SGMS1: variants seen among roughly 807,000 people sequenced by gnomAD.
SGMS1 encodes phosphatidylcholine:ceramide cholinephosphotransferase 1.
Under a neutral mutation model 46.2 loss-of-function variants are expected in SGMS1, and 13 were observed. The ratio of observed to expected loss-of-function variants is 0.28; its 90% CI spans 0.18 to 0.45. SGMS1 has a LOEUF of 0.45. Among genes scored for constraint, SGMS1 ranks in the 20% least tolerant of loss-of-function variants. SGMS1 has a pLI of 1.00. For synonymous variants in SGMS1, 203 were observed against 187.8 expected, an observed-to-expected ratio of 1.08 and a Z score of -0.66; for missense variants, 324 against 519.9, an observed-to-expected ratio of 0.62 and a Z score of 3.66.
chr10:50,504,751 T>C lies in SGMS1; in HGVS notation c.-498+15080A>G, dbSNP rs138905661. Among the ~76,000 whole-genome samples, 140 of 152,242 alleles carry C rather than the reference T, an allele frequency of 9.2e-4. 1 individual carries two copies. The Middle Eastern group carries it at 0.031, about 33-fold the overall frequency. ...GACTTATTTCTAAAAGTCAAAAAGG[T>C]TTAGAAAAACATTTCTGAGTTATTA... On this transcript the variant is annotated intron_variant, in intron 3 of 10. Transcript: ENST00000361781.
intron 6 of SGMS1, among the ~76,000 whole-genome samples, chr10:50,372,881 G>A (rs549883261): frequency 6.6e-6 from 1 of 151,954 alleles, no homozygotes; most frequent in Non-Finnish European, 1.5e-5. Context: ...GTCCAGAGAG[G>A]TTCCTAATTT....
At chr10:50,572,658 T>C (rs1383378262) in intron 2 of SGMS1, among the ~76,000 whole-genome samples, 5 of 152,216 alleles carry the variant, frequency 3.3e-5, no homozygotes, top group Non-Finnish European at 5.9e-5. Flanking sequence ...TATGACTCTA[T>C]GCCTTTGCCA....
chr10:50,379,011 A>C (rs1057130070), intron 6 of SGMS1, among the ~76,000 whole-genome samples: 4 of 152,204 alleles, frequency 2.6e-5, no homozygotes, highest in African/African-American at 7.2e-5. Context: ...ATATGGAATA[A>C]AATATGCCAA....
At chr10:50,318,967 C>T (rs2688881) in intron 8 of SGMS1, among the ~76,000 whole-genome samples, 39 of 152,108 alleles carry the variant, frequency 2.6e-4, no homozygotes, top group African/African-American at 8.2e-4. Context: ...AGTCTCTAAC[C>T]GGAAGACTTA....
chr10:50,511,581 T>C (rs1372452953), intron 3 of SGMS1, among the ~76,000 whole-genome samples: 1 of 152,184 alleles, frequency 6.6e-6, no homozygotes, highest in Non-Finnish European at 1.5e-5. Context: ...TTGGCAATTA[T>C]CCATGTGATG....
At chr10:50,442,866 T>C (rs1849563208) in intron 5 of SGMS1, among the ~76,000 whole-genome samples, 1 of 152,242 alleles carries the variant, frequency 6.6e-6, no homozygotes, top group Admixed American at 6.5e-5. Flanking sequence ...CTCTTTAGTT[T>C]AATTAGATCC....
intron 2 of SGMS1, among the ~76,000 whole-genome samples, chr10:50,558,985 G>A (rs973269487): frequency 2.0e-5 from 3 of 152,070 alleles, no homozygotes; most frequent in African/African-American, 7.2e-5. Flanking sequence ...ATGTTTGACT[G>A]TGAGGGGTGG....
chr10:50,356,639 T>G (rs1171706739), intron 6 of SGMS1, among the ~76,000 whole-genome samples: 1 of 150,380 alleles, frequency 6.6e-6, no homozygotes, highest in East Asian at 2.0e-4. Context: ...TTATAAAAAA[T>G]CAAAACCATA....
Position 50,431,919 on chromosome 10 carries a change from A to G in SGMS1, c.-232+1557T>C, listed in dbSNP as rs1849408258. ...AGGCAAGCGATGCCAGGGGTCAGTT[A>G]TGAAGCTGAGTCAACAACTCAAGAA... On this transcript the variant is annotated intron_variant, in intron 6 of 10. Transcript: ENST00000361781. Among the ~76,000 whole-genome samples the G allele has an allele frequency of 2.6e-5, 4 of 152,234 alleles. No homozygotes were observed. The South Asian group carries it at 8.3e-4, about 31-fold the overall frequency.
chr10:50,368,940 C>G (rs754749784), intron 6 of SGMS1, among the ~76,000 whole-genome samples: 1 of 152,102 alleles, frequency 6.6e-6, no homozygotes, highest in African/African-American at 2.4e-5. Flanking sequence ...CTTAAAGAAC[C>G]AAGGTTCAAA....
At chr10:50,616,647 T>C (rs1044824343) in intron 1 of SGMS1, among the ~76,000 whole-genome samples, 1 of 152,112 alleles carries the variant, frequency 6.6e-6, no homozygotes, top group Non-Finnish European at 1.5e-5. Flanking sequence ...CCAATGTCAT[T>C]ACAGGCTGAT....
chr10:50,594,845 G>A (rs10763585), intron 1 of SGMS1, among the ~76,000 whole-genome samples: 99,492 of 152,058 alleles, frequency 0.65, 32,937 homozygotes, highest in African/African-American at 0.77. Context: ...ATCAAAATAA[G>A]TTCATTTCAA....
chr10:50,319,512 C>T (rs1269190431), intron 8 of SGMS1, among the ~76,000 whole-genome samples: 8 of 152,202 alleles, frequency 5.3e-5, no homozygotes, highest in Non-Finnish European at 1.2e-4. Context: ...AGTCTAGGTT[C>T]CAATCAGAGA....
intron 6 of SGMS1, among the ~76,000 whole-genome samples, chr10:50,417,255 C>A (rs1455419867): frequency 2.0e-5 from 3 of 151,972 alleles, no homozygotes; most frequent in African/African-American, 7.3e-5. Flanking sequence ...TGTAGAAAAG[C>A]GGGTTTTTTA....
chr10:50,497,229 T>C (rs1392255209), intron 3 of SGMS1, among the ~76,000 whole-genome samples: 1 of 152,228 alleles, frequency 6.6e-6, no homozygotes, highest in Non-Finnish European at 1.5e-5. Context: ...TGATGACATT[T>C]TCAAACTTAC....
At chr10:50,354,464 T>G (rs1268254588) in intron 6 of SGMS1, among the ~76,000 whole-genome samples, 6 of 152,062 alleles carry the variant, frequency 3.9e-5, no homozygotes, top group South Asian at 2.1e-4. Context: ...AGACTTAAAT[T>G]TTAGACCTAA....
intron 2 of SGMS1, among the ~76,000 whole-genome samples, chr10:50,536,314 C>T (rs1424861076): frequency 6.6e-6 from 1 of 152,056 alleles, no homozygotes; most frequent in Non-Finnish European, 1.5e-5. Flanking sequence ...AGTCAAGACC[C>T]TGTCTCAAAA....
chr10:50,308,782 G>A (rs1589378784), intron 9 of SGMS1, among the ~76,000 whole-genome samples: 1 of 152,200 alleles, frequency 6.6e-6, no homozygotes, highest in Non-Finnish European at 1.5e-5. Flanking sequence ...ATTTCTATTA[G>A]TGCAGGCCTT....
At chr10:50,623,661 C>T in intron 1 of SGMS1, 46 bp downstream of exon 1, 1 of 985,414 alleles carries the variant, frequency 1.0e-6, no homozygotes, top group Non-Finnish European at 1.2e-6. Context: ...TCCGATCGGC[C>T]CCCGCAACCG....
Sources: allele counts gnomAD v4.1 joint callset (sites outside exome capture counted in the v4.1 genomes callset), GRCh38; gene constraint gnomAD v4.1.1; transcripts MANE v1.5; gene names NCBI Gene and HGNC (gene_info 2026-07-23, HGNC 2026-07-21).